SRP19: variants seen among roughly 807,000 people sequenced by gnomAD.
SRP19 encodes the protein signal recognition particle 19 kDa protein.
A neutral mutation model predicts 22.4 loss-of-function variants in SRP19; 11 were observed. The ratio of observed to expected loss-of-function variants is 0.49; its 90% CI spans 0.31 to 0.81. SRP19 has a LOEUF of 0.81. Among genes scored for constraint, SRP19 ranks in the 40% least tolerant of loss-of-function variants. The pLI, the probability that SRP19 is intolerant of heterozygous loss-of-function variation, is 0.05. For synonymous variants in SRP19, 61 were observed against 57.6 expected (o/e 1.06, Z -0.27); for missense variants, 168 against 175.9 (o/e 0.96, Z 0.25).
chr5:112,892,393 T>G, exon 5 of SRP19: 16 of 1,613,854 alleles, frequency 9.9e-6, no homozygotes, highest in Non-Finnish European at 1.2e-5. Context: ...GTTGCCCGAG[T>G]TCAAGAACGT....
chr5:112,862,378 AG>A (rs1554091078), intron 1 of SRP19, 129 bp from the exon 2 acceptor site: 3 of 585,072 alleles, frequency 5.1e-6, no homozygotes, highest in African/African-American at 2.8e-5. Flanking sequence ...CAGAAAAAGG[AG>A]GGGTTGAAAA....
At chr5:112,867,120 C>A (rs1767631386) in intron 4 of SRP19, among the ~76,000 whole-genome samples, 1 of 152,208 alleles carries the variant, frequency 6.6e-6, no homozygotes, top group Non-Finnish European at 1.5e-5. Flanking sequence ...CTCCTTAGAT[C>A]TTCAAGCTGA....
rs1365072229 is a variant in SRP19 at position 112,867,917 on chromosome 5, C to G, written c.*380C>G. ...TAAAATTTGAAACTGACTTTTGCAG[C>G]TTTTGCTTATATACTAATGCTAGGA... On this transcript the variant is annotated 3_prime_UTR_variant, in exon 5 of 5. Coordinates refer to ENST00000505459, the MANE Select transcript of SRP19 (RefSeq NM_003135.3). The G allele has an allele frequency of 1.1e-5, 11 of 989,788 alleles. No individual in the cohort carries two copies. The highest frequency in any genetic ancestry group is 1.3e-5 in the Non-Finnish European group (11 of 832,322). 61.3% of individuals were successfully genotyped at this position (989,788 alleles called of 1,614,324 possible).
At chr5:112,870,962 C>G (rs961305667), downstream of SRP19, among the ~76,000 whole-genome samples, 2 of 152,188 alleles carry the variant, frequency 1.3e-5, no homozygotes, top group Non-Finnish European at 2.9e-5. Context: ...AAGTGATTCT[C>G]CTGCCTCAGC....
At position 112,891,601 on chromosome 5, in the gene SRP19, A is replaced by G; in HGVS notation, c.302-2A>G. 2 of 1,564,044 alleles carry G rather than the reference A, an allele frequency of 1.3e-6. No homozygotes were observed. The highest frequency in any genetic ancestry group is 1.7e-6 in the Non-Finnish European group (2 of 1,153,534). On this transcript the variant is annotated splice_acceptor_variant, in intron 4 of 4. Coordinates refer to the SRP19 transcript ENST00000391338. LOFTEE classifies it high-confidence loss of function. Reference sequence around the variant, plus strand: ...AACAAAATCTTCCATATATTCCCATAGGTTAAGAATGTCTGAGGGGTCAGG... The same window carrying G: ...AACAAAATCTTCCATATATTCCCATGGGTTAAGAATGTCTGAGGGGTCAGG...
At chr5:112,863,714 G>C (rs1767491985) in intron 2 of SRP19, among the ~76,000 whole-genome samples, 1 of 152,074 alleles carries the variant, frequency 6.6e-6, no homozygotes, top group Non-Finnish European at 1.5e-5. Flanking sequence ...ACCCAGGCTG[G>C]AGTGCGGCAG....
chr5:112,891,643 G>C lies in SRP19; in HGVS notation c.*36G>C, dbSNP rs762058992. Reference sequence around the variant, plus strand: ...GGGGTCAGGCGGTGCTGGCAAGATGGCTGCACTTGAGAAGATGACGTTTCC... The same window carrying C: ...GGGGTCAGGCGGTGCTGGCAAGATGCCTGCACTTGAGAAGATGACGTTTCC... On this transcript the variant is annotated 3_prime_UTR_variant, in exon 5 of 5. Transcript: ENST00000391338. 4 of 1,604,740 alleles carry C rather than the reference G, an allele frequency of 2.5e-6. No individual in the cohort carries two copies. The Admixed American group carries it at 6.9e-5, about 28-fold the overall frequency.
chr5:112,879,137 G>A (rs2150032554), intron 4 of SRP19, among the ~76,000 whole-genome samples: 1 of 152,244 alleles, frequency 6.6e-6, no homozygotes, highest in South Asian at 2.1e-4. Context: ...AGCATTGAAA[G>A]AAGCAGAGAT....
At chr5:112,882,660 C>T (rs746595292) in intron 4 of SRP19, among the ~76,000 whole-genome samples, 2 of 152,188 alleles carry the variant, frequency 1.3e-5, no homozygotes, top group African/African-American at 2.4e-5. Context: ...CAGCCAAACT[C>T]GCTTATGTAG....
chr5:112,864,797 G>T (rs1434433300), intron 4 of SRP19, 65 bp downstream of exon 4: 16 of 1,275,322 alleles, frequency 1.3e-5, no homozygotes, highest in Non-Finnish European at 1.7e-5. Context: ...CACAAAAAAG[G>T]TTCTAAAACT....
rs1767592183 is a variant in SRP19 at position 112,866,021 on chromosome 5, CTGCATGTTTGAACT to C, written c.301+1291_301+1304del. On this transcript the variant is annotated intron_variant, in intron 4 of 4. Coordinates refer to ENST00000505459, the MANE Select transcript of SRP19 (RefSeq NM_003135.3). ...ACAGGCGTTTGCCACCATGCCCAGC[CTGCATGTTTGAACT>C]TTTATTTTTAAAGACAAGGTCTCAC... Among the ~76,000 whole-genome samples, 5 of 152,252 alleles carry C rather than the reference CTGCATGTTTGAACT, an allele frequency of 3.3e-5. No individual in the cohort carries two copies. In the South Asian group the frequency reaches 1.0e-3, roughly 32 times the overall value.
At chr5:112,865,095 A>C in intron 4 of SRP19, 1 of 160,724 alleles carries the variant, frequency 6.2e-6, no homozygotes, top group Non-Finnish European at 1.4e-5. Flanking sequence ...ATAATATCTA[A>C]TGATTCTATC....
At chr5:112,890,752 TAG>T (rs1328285370) in intron 4 of SRP19, among the ~76,000 whole-genome samples, 10 of 150,724 alleles carry the variant, frequency 6.6e-5, no homozygotes, top group African/African-American at 2.5e-4. Context: ...ATATAGTATA[TAG>T]AGAGTAACAG....
chr5:112,874,739 C>T (rs989207070), downstream of SRP19, among the ~76,000 whole-genome samples: 2 of 151,796 alleles, frequency 1.3e-5, no homozygotes, highest in Non-Finnish European at 2.9e-5. Flanking sequence ...CAACACTCCT[C>T]TCCATCCCCA....
chr5:112,888,510 ACTC>A (rs1365592146), intron 4 of SRP19, among the ~76,000 whole-genome samples: 3 of 152,000 alleles, frequency 2.0e-5, no homozygotes, highest in African/African-American at 7.3e-5. Flanking sequence ...GCAGCCTTGA[ACTC>A]CTGGGTTCAA....
exon 5 of SRP19, chr5:112,891,712 A>C (rs1463280882): frequency 6.2e-7 from 1 of 1,614,016 alleles, no homozygotes; most frequent in Non-Finnish European, 8.5e-7. Context: ...CAAAAAGTAC[A>C]GGGCCGCCCT....
At chr5:112,864,399 C>T (rs1266078277) in intron 2 of SRP19, 58 bp from the exon 3 acceptor site, 18 of 1,421,622 alleles carry the variant, frequency 1.3e-5, no homozygotes, top group Non-Finnish European at 1.6e-5. Context: ...TTACCCAACA[C>T]TATGGCAGTG....
chr5:112,885,752 A>G (rs912632571), intron 4 of SRP19: 1 of 274,868 alleles, frequency 3.6e-6, no homozygotes, highest in Non-Finnish European at 7.6e-6. Flanking sequence ...GAACTAATTA[A>G]TTTTGACTAC....
chr5:112,892,693 T>A lies in SRP19; in HGVS notation c.*1086T>A, dbSNP rs773573498. 3.1e-6 allele frequency: 5 copies of A among 1,614,040 alleles called. No individual in the cohort carries two copies. In the Admixed American group the frequency reaches 8.3e-5, roughly 27 times the overall value. Reference sequence around the variant, plus strand: ...ATTCTGGGAAGCTAATAGAGACATCTACTTGTCTTCAGATCAGACTGGCTC... The same window carrying A: ...ATTCTGGGAAGCTAATAGAGACATCAACTTGTCTTCAGATCAGACTGGCTC... On this transcript the variant is annotated 3_prime_UTR_variant, in exon 5 of 5. Transcript: ENST00000391338.
Sources: gnomAD v4.1 joint callset for allele counts (sites outside exome capture counted in the v4.1 genomes callset) on GRCh38, gnomAD v4.1.1 for gene constraint, MANE v1.5 for transcripts, NCBI Gene and HGNC (gene_info 2026-07-23, HGNC 2026-07-21) for gene names.